NAA15: variants seen among roughly 807,000 people sequenced by gnomAD.
NAA15 encodes the protein N-alpha-acetyltransferase 15, NatA auxiliary subunit.
NAA15 carries 34 observed loss-of-function variants against 114.0 expected under a neutral mutation model. That is an observed-to-expected ratio of 0.30 (90% confidence interval 0.23 to 0.40). The LOEUF (loss-of-function observed/expected upper bound fraction) is 0.40, where lower values mean the gene tolerates loss of function less well. Among genes scored for constraint, NAA15 ranks in the 10% least tolerant of loss-of-function variants. NAA15 has a pLI of 1.00. For synonymous variants in NAA15, 340 were observed against 338.0 expected, an observed-to-expected ratio of 1.01 and a Z score of -0.06; for missense variants, 658 against 1,004.5, an observed-to-expected ratio of 0.66 and a Z score of 4.66.
At chr4:139,359,577 A>G (rs1748070139) in intron 11 of NAA15, among the ~76,000 whole-genome samples, 166 bp from the exon 12 acceptor site, 1 of 152,250 alleles carries the variant, frequency 6.6e-6, no homozygotes, top group Admixed American at 6.5e-5. Flanking sequence ...AGGAATCAGA[A>G]CTTATATTAT....
chr4:139,351,575 C>T lies in NAA15; in HGVS notation c.978C>T (p.Phe326=), dbSNP rs747883398. 21 of 1,594,610 alleles carry T rather than the reference C, an allele frequency of 1.3e-5. No individual in the cohort carries two copies. The East Asian group carries it at 4.7e-4, about 36-fold the overall frequency. Residue 326 remains phenylalanine, a synonymous_variant, in exon 9 of 20, where the codon TTC becomes TTT. Transcript: ENST00000296543. ...TCAGCAAGGGTTGCCCACCAGTCTT[C>T]AATACTTTAAGATCATTATACAAAG... is the stretch of plus-strand genomic sequence containing the variant. ...MNFSKGCPPV[F]NTLRSLYKDK... is the part of the protein sequence containing the mutation.
At chr4:139,316,639 C>T (rs1746419297) in intron 1 of NAA15, among the ~76,000 whole-genome samples, 1 of 151,662 alleles carries the variant, frequency 6.6e-6, no homozygotes, top group South Asian at 2.1e-4. Context: ...CTTTTTATTC[C>T]TTATAAGTAA....
intron 17 of NAA15, among the ~76,000 whole-genome samples, chr4:139,381,019 G>T (rs763224020): frequency 1.3e-5 from 2 of 152,234 alleles, no homozygotes; most frequent in East Asian, 3.9e-4. Flanking sequence ...CACCTTTCTG[G>T]AGAGTATAGA....
At chr4:139,335,952 G>T (rs776713103) in intron 2 of NAA15, among the ~76,000 whole-genome samples, 103 of 148,656 alleles carry the variant, frequency 6.9e-4, no homozygotes, top group Non-Finnish European at 1.3e-3. Context: ...AGAGACGGGG[G>T]TTCACCATGT....
At chr4:139,311,324 ATATT>A (rs1413988218) in intron 1 of NAA15, among the ~76,000 whole-genome samples, 1 of 151,790 alleles carries the variant, frequency 6.6e-6, no homozygotes, top group African/African-American at 2.4e-5. Context: ...TGTTTAATAA[ATATT>A]TGTTATGTGA....
In NAA15 at chr4:139,301,984, C is replaced by G. The variant is rs1365700256; in HGVS notation, c.54+153C>G. On this transcript the variant is annotated intron_variant, in intron 1 of 19. Coordinates refer to ENST00000296543, the MANE Select transcript of NAA15 (RefSeq NM_057175.5). ...GGCCGAATGCATTGCTTTGCTCCCT[C>G]TCTGTGGTTCCTACTATGGCCCGCG... 7.7e-6 allele frequency: 6 copies of G among 778,234 alleles called. No homozygotes were observed. The East Asian group carries it at 1.3e-4, about 16-fold the overall frequency. The allele number at this position is 778,234 out of a possible 1,614,324, so 48.2% of individuals were successfully genotyped here. A position where few individuals can be genotyped will look rare whatever the true frequency, so the allele number is the denominator to read the frequency against.
At chr4:139,361,541 A>C (rs1748131060) in intron 13 of NAA15, among the ~76,000 whole-genome samples, 183 bp from the exon 14 acceptor site, 1 of 152,210 alleles carries the variant, frequency 6.6e-6, no homozygotes, top group Admixed American at 6.5e-5. Flanking sequence ...TGTGCTAGAC[A>C]ATGGCTAACT....
chr4:139,338,553 T>G (rs1747275946), intron 3 of NAA15, among the ~76,000 whole-genome samples: 1 of 152,152 alleles, frequency 6.6e-6, no homozygotes, highest in Non-Finnish European at 1.5e-5. Flanking sequence ...CTTCAAGTGA[T>G]TCTCCTGCCT....
chr4:139,322,278 G>A (rs1234100257), intron 1 of NAA15, among the ~76,000 whole-genome samples: 1 of 152,144 alleles, frequency 6.6e-6, no homozygotes, highest in East Asian at 1.9e-4. Flanking sequence ...TTTTAAAAAG[G>A]GGAGTTTCCC....
At chr4:139,379,864 C>T (rs751877150) in intron 17 of NAA15, among the ~76,000 whole-genome samples, 4 of 151,958 alleles carry the variant, frequency 2.6e-5, no homozygotes, top group Non-Finnish European at 4.4e-5. Flanking sequence ...GCTAACATAG[C>T]GAACCCCCGT....
intron 15 of NAA15, among the ~76,000 whole-genome samples, chr4:139,371,527 A>ACACT (rs1748440274): frequency 6.6e-6 from 1 of 151,152 alleles, no homozygotes; most frequent in Non-Finnish European, 1.5e-5. Context: ...ACACACACAC[A>ACACT]CACACACACA....
chr4:139,333,676 T>C (rs1409939552), intron 1 of NAA15, among the ~76,000 whole-genome samples: 1 of 152,136 alleles, frequency 6.6e-6, no homozygotes, highest in Non-Finnish European at 1.5e-5. Context: ...AGTCCTGAGA[T>C]CGCTTGAGAA....
intron 6 of NAA15, 94 bp from the exon 7 acceptor site, chr4:139,349,368 T>G: frequency 3.5e-5 from 41 of 1,173,038 alleles, no homozygotes; most frequent in Non-Finnish European, 4.6e-5. Flanking sequence ...TGATTTATAA[T>G]GAGATTTTAA....
chr4:139,316,782 C>G (rs570125635), intron 1 of NAA15, among the ~76,000 whole-genome samples: 4 of 151,822 alleles, frequency 2.6e-5, no homozygotes, highest in South Asian at 2.1e-4. Flanking sequence ...TCTCTTAGTT[C>G]AAGAGCATTC....
At chr4:139,303,948 C>T (rs1032877291) in intron 1 of NAA15, among the ~76,000 whole-genome samples, 2 of 152,110 alleles carry the variant, frequency 1.3e-5, no homozygotes, top group Admixed American at 6.5e-5. Context: ...GACGGAGTCT[C>T]GCTCTGTCGC....
At chr4:139,348,927 G>A (rs1747689560) in intron 6 of NAA15, among the ~76,000 whole-genome samples, 2 of 152,142 alleles carry the variant, frequency 1.3e-5, no homozygotes, top group Admixed American at 1.3e-4. Flanking sequence ...TTGAATAGTA[G>A]GATTAGTGAG....
chr4:139,360,165 T>C (rs1748088486), intron 12 of NAA15, among the ~76,000 whole-genome samples: 6 of 152,174 alleles, frequency 3.9e-5, no homozygotes, highest in Admixed American at 2.6e-4. Flanking sequence ...CTAAAATTTA[T>C]TGAATACCTG....
At chr4:139,308,681 C>T (rs1459321026) in intron 1 of NAA15, among the ~76,000 whole-genome samples, 1 of 152,132 alleles carries the variant, frequency 6.6e-6, no homozygotes, top group African/African-American at 2.4e-5. Flanking sequence ...TCACTGCACT[C>T]TCCGACTCAC....
intron 17 of NAA15, chr4:139,379,067 C>T: frequency 2.8e-6 from 1 of 352,384 alleles, no homozygotes; most frequent in Non-Finnish European, 5.1e-6. Context: ...TTATTCAGTC[C>T]AGATATTTGA....
Sources: gnomAD v4.1 joint callset for allele counts (sites outside exome capture counted in the v4.1 genomes callset) on GRCh38, gnomAD v4.1.1 for gene constraint, MANE v1.5 for transcripts, NCBI Gene and HGNC (gene_info 2026-07-23, HGNC 2026-07-21) for gene names.